NFIB: variants seen among roughly 807,000 people sequenced by gnomAD.
The protein encoded by NFIB is nuclear factor I B.
A neutral mutation model predicts 61.5 loss-of-function variants in NFIB; 11 were observed. That is an observed-to-expected ratio of 0.18 (90% CI 0.11 to 0.30). NFIB has a LOEUF of 0.30. Ranked by LOEUF, NFIB falls within the 10% of genes least tolerant of loss-of-function variation. The probability of loss-of-function intolerance (pLI) is 1.00; values close to 1 mark genes in which losing one functional copy is unlikely to be tolerated. For synonymous variants in NFIB, 260 were observed against 216.5 expected (o/e 1.20, Z -1.76); for missense variants, 471 against 608.9 (o/e 0.77, Z 2.38).
chr9:14,306,947 G>T, intron 2 of NFIB, 42 bp downstream of exon 2: 1 of 1,600,954 alleles, frequency 6.2e-7, no homozygotes. Flanking sequence ...AGATTTGTAG[G>T]CGGTGTTTGC....
At position 14,218,597 on chromosome 9, in the gene NFIB, T is replaced by C. The variant is rs373312424; in HGVS notation, c.563-38817A>G. Among the ~76,000 whole-genome samples, 61 of 152,330 alleles carry C rather than the reference T, an allele frequency of 4.0e-4. 3 individuals are homozygous for C. In the East Asian group the frequency reaches 0.01, roughly 26 times the overall value. ...CACCCAATCAATGAACAAATGAATT[T>C]TCTTCAGTATTTAATAGTGTATTTT... On this transcript the variant is annotated intron_variant, in intron 2 of 10. Transcript: ENST00000380953.
chr9:14,136,019 C>T (rs1308652643), intron 6 of NFIB, among the ~76,000 whole-genome samples: 7 of 152,020 alleles, frequency 4.6e-5, no homozygotes, highest in East Asian at 3.9e-4. Flanking sequence ...TTTATCACTT[C>T]GCTATAAAAA....
At chr9:14,202,197 A>T (rs2049116143) in intron 2 of NFIB, among the ~76,000 whole-genome samples, 1 of 151,656 alleles carries the variant, frequency 6.6e-6, no homozygotes, top group Non-Finnish European at 1.5e-5. Context: ...TTTTTCATTT[A>T]ATTTTTGTTT....
chr9:14,359,313 G>A (rs1452655517), intron 1 of NFIB, among the ~76,000 whole-genome samples: 1 of 152,218 alleles, frequency 6.6e-6, no homozygotes, highest in Non-Finnish European at 1.5e-5. Context: ...GATTATCCAT[G>A]TGGGCTCTAT....
At chr9:14,242,970 AAAGAT>A (rs1280547420) in intron 2 of NFIB, among the ~76,000 whole-genome samples, 2 of 152,246 alleles carry the variant, frequency 1.3e-5, no homozygotes, top group Non-Finnish European at 2.9e-5. Flanking sequence ...TGCATGTTTG[AAAGAT>A]AAGAGGGTTT....
chr9:14,528,651 G>A, the NFIB span, among the ~76,000 whole-genome samples: 2 of 152,242 alleles, frequency 1.3e-5, no homozygotes, highest in East Asian at 3.9e-4. Context: ...CAAATGATTA[G>A]ATTTATGAAA....
chr9:14,185,588 T>TAA lies in NFIB; in HGVS notation c.563-5809_563-5808insTT, dbSNP rs1463092441. Reference sequence around the variant, plus strand: ...ACACGAAGTCTATTATTGCCCTATTTAGCCTTATAGCCCTAATCTTTGGGA... The same window carrying TAA: ...ACACGAAGTCTATTATTGCCCTATTTAAAGCCTTATAGCCCTAATCTTTGGGA... On this transcript the variant is annotated intron_variant, in intron 2 of 10. Coordinates refer to ENST00000380953, the MANE Select transcript of NFIB (RefSeq NM_001190737.2). Among the ~76,000 whole-genome samples the TAA allele has an allele frequency of 2.0e-5, 3 of 152,190 alleles. No individual in the cohort carries two copies. The East Asian group carries it at 5.8e-4, about 29-fold the overall frequency.
the NFIB span, among the ~76,000 whole-genome samples, chr9:14,405,054 G>T: frequency 6.6e-6 from 1 of 152,214 alleles, no homozygotes; most frequent in Admixed American, 6.5e-5. Context: ...CCTATTACCA[G>T]AGTTCTGGCT....
intron 10 of NFIB, among the ~76,000 whole-genome samples, chr9:14,103,110 G>A (rs1354651058): frequency 6.6e-6 from 1 of 152,100 alleles, no homozygotes; most frequent in Non-Finnish European, 1.5e-5. Flanking sequence ...TTTAAACTCA[G>A]AGTAATGGCA....
At chr9:14,187,898 A>T (rs1464301210) in intron 2 of NFIB, among the ~76,000 whole-genome samples, 2 of 152,192 alleles carry the variant, frequency 1.3e-5, no homozygotes, top group African/African-American at 4.8e-5. Context: ...AAACCTGCCA[A>T]CATCTCTGAC....
At chr9:14,297,636 T>C (rs1183616952) in intron 2 of NFIB, among the ~76,000 whole-genome samples, 5 of 152,092 alleles carry the variant, frequency 3.3e-5, no homozygotes, top group Admixed American at 2.6e-4. Flanking sequence ...CTGTAGCACA[T>C]TGTCTCTCAT....
chr9:14,181,689 T>G (rs142371163), intron 2 of NFIB, among the ~76,000 whole-genome samples: 15 of 152,352 alleles, frequency 9.8e-5, no homozygotes, highest in Non-Finnish European at 2.1e-4. Flanking sequence ...CCAGTTTAAT[T>G]TCTCAAGCGA....
chr9:14,255,875 G>A (rs1390698401), intron 2 of NFIB, among the ~76,000 whole-genome samples: 2 of 152,098 alleles, frequency 1.3e-5, no homozygotes, highest in African/African-American at 2.4e-5. Context: ...TCCTGCTCCA[G>A]AATCCACACA....
the NFIB span, among the ~76,000 whole-genome samples, chr9:14,523,106 G>A: frequency 6.6e-6 from 1 of 152,006 alleles, no homozygotes; most frequent in Non-Finnish European, 1.5e-5. Context: ...TTTTTTCAGG[G>A]GCCTCCAGAG....
At chr9:14,467,208 T>A in the NFIB span, among the ~76,000 whole-genome samples, 7 of 152,158 alleles carry the variant, frequency 4.6e-5, no homozygotes, top group Non-Finnish European at 2.9e-5. Flanking sequence ...CCACAGGCTG[T>A]CCTGATGTGA....
intron 2 of NFIB, among the ~76,000 whole-genome samples, chr9:14,253,092 G>C (rs541544092): frequency 3.9e-5 from 6 of 152,326 alleles, no homozygotes; most frequent in Admixed American, 3.9e-4. Context: ...AGTTTAAGCA[G>C]ATCTGCAACA....
chr9:14,306,411 TATTAAA>T (rs1451656073), intron 2 of NFIB, among the ~76,000 whole-genome samples: 1 of 152,210 alleles, frequency 6.6e-6, no homozygotes, highest in Non-Finnish European at 1.5e-5. Flanking sequence ...ATGATAGAAA[TATTAAA>T]ATTAAGTAAA....
At chr9:14,228,751 A>G (rs996373435) in intron 2 of NFIB, among the ~76,000 whole-genome samples, 2 of 152,320 alleles carry the variant, frequency 1.3e-5, no homozygotes, top group Non-Finnish European at 2.9e-5. Context: ...TTTTCAGTCC[A>G]TCTGAGATGT....
At chr9:14,293,939 T>C (rs542973620) in intron 2 of NFIB, among the ~76,000 whole-genome samples, 167 of 152,354 alleles carry the variant, frequency 1.1e-3, no homozygotes, top group Non-Finnish European at 2.0e-3. Context: ...TTCCGTATTT[T>C]ATCAGTACTT....
Sources: allele counts gnomAD v4.1 joint callset (sites outside exome capture counted in the v4.1 genomes callset), GRCh38; gene constraint gnomAD v4.1.1; transcripts MANE v1.5; gene names NCBI Gene and HGNC (gene_info 2026-07-23, HGNC 2026-07-21).